The following ADCK1 variants were observed in gnomAD, a reference collection of about 807,000 sequenced individuals.
ADCK1 encodes aarF domain-containing protein kinase 1.
A neutral mutation model predicts 52.3 loss-of-function variants in ADCK1; 41 were observed. The observed-to-expected ratio is 0.78, with a 90% CI of 0.61 to 1.02. ADCK1 has a LOEUF of 1.02. ADCK1 is among the 50% of genes least tolerant of loss of function. ADCK1 has a pLI of 0.00. For synonymous variants in ADCK1, 250 were observed against 274.6 expected (o/e 0.91, Z 0.89); for missense variants, 658 against 679.5 (o/e 0.97, Z 0.35).
At chr14:77,901,362 CTTT>C (rs371780013) in intron 6 of ADCK1, among the ~76,000 whole-genome samples, 1 of 131,792 alleles carries the variant, frequency 7.6e-6, no homozygotes, top group South Asian at 2.4e-4. Flanking sequence ...GGAGCTGGTC[CTTT>C]TTTTTTTTTT....
intron 4 of ADCK1, among the ~76,000 whole-genome samples, chr14:77,859,782 G>T (rs1454507298): frequency 6.6e-6 from 1 of 152,156 alleles, no homozygotes; most frequent in Non-Finnish European, 1.5e-5. Context: ...GATTACACGG[G>T]ATAATGAATA....
At chr14:77,860,781 A>G (rs2082527646) in intron 4 of ADCK1, among the ~76,000 whole-genome samples, 2 of 152,206 alleles carry the variant, frequency 1.3e-5, no homozygotes, top group African/African-American at 4.8e-5. Flanking sequence ...CCAGCTTCTA[A>G]CAGCACGAGA....
intron 1 of ADCK1, among the ~76,000 whole-genome samples, chr14:77,804,023 C>T (rs1360851867): frequency 4.6e-5 from 7 of 152,162 alleles, no homozygotes; most frequent in Non-Finnish European, 1.0e-4. Flanking sequence ...ATTTGTCTCT[C>T]CTCACTGGGT....
chr14:77,883,437 A>G (rs1172946991), intron 4 of ADCK1, among the ~76,000 whole-genome samples: 1 of 151,970 alleles, frequency 6.6e-6, no homozygotes, highest in African/African-American at 2.4e-5. Context: ...GACAGGGTCT[A>G]TTTTTCCTTA....
chr14:77,868,516 CT>C (rs1468001408), intron 4 of ADCK1, among the ~76,000 whole-genome samples: 1 of 152,168 alleles, frequency 6.6e-6, no homozygotes, highest in Non-Finnish European at 1.5e-5. Flanking sequence ...TCTTTTTGTC[CT>C]TCTTCCAGTC....
chr14:77,851,491 T>C (rs2082284276), intron 3 of ADCK1, among the ~76,000 whole-genome samples: 1 of 152,198 alleles, frequency 6.6e-6, no homozygotes, highest in Non-Finnish European at 1.5e-5. Flanking sequence ...TTGATAAGGT[T>C]GGATTTATGT....
intron 6 of ADCK1, among the ~76,000 whole-genome samples, chr14:77,900,299 G>A (rs1225528854): frequency 1.3e-5 from 2 of 151,980 alleles, no homozygotes; most frequent in African/African-American, 2.4e-5. Context: ...TTTGAAATGG[G>A]ACGGAGGCTG....
chr14:77,892,638 GAAA>G, intron 5 of ADCK1, among the ~76,000 whole-genome samples: 1 of 126,622 alleles, frequency 7.9e-6, no homozygotes, highest in East Asian at 2.2e-4. Context: ...TTCTTTATCA[GAAA>G]AAAAAAAAAA....
chr14:77,849,051 A>G (rs1431563007), intron 3 of ADCK1, among the ~76,000 whole-genome samples: 3 of 151,850 alleles, frequency 2.0e-5, no homozygotes, highest in Non-Finnish European at 4.4e-5. Flanking sequence ...GATGGTCTCC[A>G]TCTCCTGACC....
In ADCK1 at chr14:77,914,455, C is replaced by G. The variant is rs539421276; in HGVS notation, c.858+6536C>G. The G allele has an allele frequency of 6.1e-6, 6 of 985,432 alleles. No individual in the cohort carries two copies. In the African/African-American group the frequency reaches 8.7e-5, roughly 14 times the overall value. The allele number at this position is 985,432 out of a possible 1,614,324, so 61.0% of individuals were successfully genotyped here. ...CATTGCAGGAGCAGCGAAAAGGTCT[C>G]ACATTTGCTTTCAGCAAATGATTTC... On this transcript the variant is annotated intron_variant, in intron 7 of 10. Coordinates refer to ENST00000238561, the MANE Select transcript of ADCK1 (RefSeq NM_020421.4).
intron 1 of ADCK1, among the ~76,000 whole-genome samples, chr14:77,808,416 C>G (rs1202385508): frequency 6.6e-6 from 1 of 152,118 alleles, no homozygotes; most frequent in Non-Finnish European, 1.5e-5. Context: ...GAGGCATTGT[C>G]TAAGGCAGAT....
chr14:77,930,007 G>T (rs959369056), intron 9 of ADCK1, among the ~76,000 whole-genome samples: 2 of 152,234 alleles, frequency 1.3e-5, no homozygotes, highest in South Asian at 4.2e-4. Context: ...ACCCAACAGG[G>T]TCTACTGCAG....
intron 3 of ADCK1, among the ~76,000 whole-genome samples, chr14:77,848,773 A>AT (rs111803091): frequency 4.0e-5 from 6 of 149,428 alleles, no homozygotes; most frequent in East Asian, 2.0e-4. Context: ...CGGCCTGTTT[A>AT]TTTTTTTTGA....
At chr14:77,835,299 T>C (rs1475499278) in intron 3 of ADCK1, among the ~76,000 whole-genome samples, 1 of 152,236 alleles carries the variant, frequency 6.6e-6, no homozygotes, top group Non-Finnish European at 1.5e-5. Flanking sequence ...ATCACCCTCA[T>C]GATCATTGCC....
chr14:77,852,570 G>T (rs2082305525), intron 3 of ADCK1, among the ~76,000 whole-genome samples: 1 of 145,212 alleles, frequency 6.9e-6, no homozygotes, highest in Admixed American at 7.1e-5. Flanking sequence ...TTGTGCTTGG[G>T]GCTTGTTGAG....
intron 4 of ADCK1, among the ~76,000 whole-genome samples, chr14:77,883,272 G>A (rs1429057170): frequency 6.6e-6 from 1 of 152,032 alleles, no homozygotes; most frequent in African/African-American, 2.4e-5. Flanking sequence ...GTGAGTGACT[G>A]GAGGCAGCTG....
Position 77,933,499 on chromosome 14 carries a change from G to C in ADCK1, c.*108G>C. The C allele has an allele frequency of 1.5e-6, 2 of 1,371,094 alleles. No homozygotes were observed. The highest frequency in any genetic ancestry group is 3.5e-5 in the Admixed American group (2 of 56,930). The allele number at this position is 1,371,094 out of a possible 1,614,324, so 84.9% of individuals were successfully genotyped here. A position where few individuals can be genotyped will look rare whatever the true frequency, so the allele number is the denominator to read the frequency against. ...TGCCACATCGTGGCCCGCAGCCCCA[G>C]AGTCACTGTCCATGTCACCATCCTT... On this transcript the variant is annotated 3_prime_UTR_variant, in exon 11 of 11. Transcript: ENST00000238561.
chr14:77,845,211 C>T (rs1236478526), intron 3 of ADCK1, among the ~76,000 whole-genome samples: 1 of 152,190 alleles, frequency 6.6e-6, no homozygotes, highest in African/African-American at 2.4e-5. Context: ...AGTTAGACTG[C>T]CGGGATTCAG....
intron 7 of ADCK1, among the ~76,000 whole-genome samples, chr14:77,911,009 G>A (rs2083778950): frequency 6.6e-6 from 1 of 152,184 alleles, no homozygotes; most frequent in African/African-American, 2.4e-5. Flanking sequence ...TTGTTTTCTT[G>A]TGGACATGCA....
Sources: allele counts gnomAD v4.1 joint callset (sites outside exome capture counted in the v4.1 genomes callset), GRCh38; gene constraint gnomAD v4.1.1; transcripts MANE v1.5; gene names NCBI Gene and HGNC (gene_info 2026-07-23, HGNC 2026-07-21).